The following EBF2 variants were observed in gnomAD, a reference collection of about 807,000 sequenced individuals.
EBF2 encodes EBF transcription factor 2.
EBF2 carries 21 observed loss-of-function variants against 72.8 expected under a neutral mutation model. The observed-to-expected ratio is 0.29, with a 90% CI of 0.20 to 0.42. The LOEUF (loss-of-function observed/expected upper bound fraction) is 0.42, where lower values mean the gene tolerates loss of function less well. Ranked by LOEUF, EBF2 falls within the 10% of genes least tolerant of loss-of-function variation. The probability of loss-of-function intolerance (pLI) is 1.00; values close to 1 mark genes in which losing one functional copy is unlikely to be tolerated. For synonymous variants in EBF2, 299 were observed against 274.2 expected (o/e 1.09, Z -0.89); for missense variants, 637 against 731.2 (o/e 0.87, Z 1.49).
chr8:26,018,312 A>G (rs1156616791), intron 6 of EBF2, among the ~76,000 whole-genome samples: 1 of 151,350 alleles, frequency 6.6e-6, no homozygotes, highest in Non-Finnish European at 1.5e-5. Context: ...GGAAAGGAAG[A>G]AGAGAAAAGG....
intron 10 of EBF2, 74 bp from the exon 11 acceptor site, chr8:25,862,871 G>T (rs933542571): frequency 1.7e-6 from 2 of 1,150,066 alleles, no homozygotes; most frequent in East Asian, 2.6e-5. Flanking sequence ...TTCTTCCACA[G>T]GTAATAAGAA....
intron 6 of EBF2, among the ~76,000 whole-genome samples, chr8:25,934,235 A>G (rs1329909636): frequency 8.5e-4 from 90 of 106,218 alleles, no homozygotes; most frequent in African/African-American, 3.6e-3. Flanking sequence ...ACACACACAC[A>G]CACACACACA....
intron 6 of EBF2, among the ~76,000 whole-genome samples, chr8:25,943,592 C>T (rs1472659663): frequency 6.6e-6 from 1 of 152,090 alleles, no homozygotes; most frequent in Non-Finnish European, 1.5e-5. Flanking sequence ...CTATACCACC[C>T]TGCTAGCACA....
In EBF2 at chr8:25,993,052, T is replaced by A. The variant is rs1285459538; in HGVS notation, c.551+40033A>T. On this transcript the variant is annotated intron_variant, in intron 6 of 15. Transcript: ENST00000520164. ...CCCACCTCCTTCAGTGACATAATAA[T>A]TCCAAAGTCCCTACGGACACCAAAG... 2.6e-5 allele frequency among the ~76,000 whole-genome samples: 4 copies of A among 152,082 alleles called. No homozygotes were observed. In the East Asian group the frequency reaches 7.7e-4, roughly 29 times the overall value.
intron 6 of EBF2, among the ~76,000 whole-genome samples, chr8:26,009,935 C>T (rs1191405422): frequency 1.3e-5 from 2 of 152,166 alleles, no homozygotes; most frequent in African/African-American, 2.4e-5. Flanking sequence ...TCACTGGACG[C>T]CCTCCACTTC....
At chr8:25,929,558 T>C (rs1369924510) in intron 6 of EBF2, among the ~76,000 whole-genome samples, 1 of 152,192 alleles carries the variant, frequency 6.6e-6, no homozygotes, top group African/African-American at 2.4e-5. Flanking sequence ...CGGGTACTTT[T>C]TTTTTCCACT....
At chr8:25,867,467 C>A (rs34545411) in intron 10 of EBF2, among the ~76,000 whole-genome samples, 3 of 152,022 alleles carry the variant, frequency 2.0e-5, no homozygotes, top group Admixed American at 6.5e-5. Context: ...CCCTCCCACC[C>A]ACTGGCTTCC....
chr8:25,971,270 C>T (rs2117188847), intron 6 of EBF2, among the ~76,000 whole-genome samples: 1 of 152,258 alleles, frequency 6.6e-6, no homozygotes, highest in East Asian at 1.9e-4. Context: ...GGCAGCGTGT[C>T]CAGAAAGAGT....
At chr8:26,040,733 C>A (rs1715405177) in intron 3 of EBF2, 62 bp from the exon 4 acceptor site, 4 of 1,538,494 alleles carry the variant, frequency 2.6e-6, no homozygotes, top group African/African-American at 1.4e-5. Flanking sequence ...ACCCCAAACC[C>A]TTCTCTGCCA....
intron 6 of EBF2, among the ~76,000 whole-genome samples, chr8:26,005,109 T>C (rs1269295333): frequency 6.9e-6 from 1 of 145,982 alleles, no homozygotes; most frequent in Non-Finnish European, 1.5e-5. Flanking sequence ...AAGTGCAGAA[T>C]TTTCTCTTGT....
At chr8:25,943,663 C>A (rs940971706) in intron 6 of EBF2, among the ~76,000 whole-genome samples, 2 of 152,150 alleles carry the variant, frequency 1.3e-5, no homozygotes, top group African/African-American at 2.4e-5. Context: ...CAGGGACCTT[C>A]CCCATGGGTT....
intron 6 of EBF2, among the ~76,000 whole-genome samples, chr8:26,009,107 GAAAAAAA>G (rs66503039): frequency 2.4e-5 from 2 of 85,028 alleles, no homozygotes; most frequent in Non-Finnish European, 4.3e-5. Context: ...GAGTAAAAGC[GAAAAAAA>G]AAAAAAAAAA....
chr8:26,026,910 G>A (rs1805309934), intron 6 of EBF2, among the ~76,000 whole-genome samples: 1 of 152,158 alleles, frequency 6.6e-6, no homozygotes, highest in African/African-American at 2.4e-5. Flanking sequence ...CAACCATTGA[G>A]AATTAAGATG....
intron 7 of EBF2, among the ~76,000 whole-genome samples, chr8:25,902,303 T>C (rs1267605944): frequency 1.3e-5 from 2 of 152,092 alleles, no homozygotes; most frequent in Non-Finnish European, 1.5e-5. Flanking sequence ...CAGCTTAAAC[T>C]AGACATACAT....
At chr8:25,988,949 C>T (rs1321273321) in intron 6 of EBF2, among the ~76,000 whole-genome samples, 3 of 152,202 alleles carry the variant, frequency 2.0e-5, no homozygotes, top group Non-Finnish European at 4.4e-5. Context: ...ACTAAACTAG[C>T]AACATTGTAT....
At position 25,850,879 on chromosome 8, in the gene EBF2, T is replaced by TA. The variant is rs1801953793; in HGVS notation, c.1529-119_1529-118insT. 89 of 1,205,922 alleles carry TA rather than the reference T, an allele frequency of 7.4e-5. No individual in the cohort carries two copies. The African/African-American group carries it at 9.2e-4, about 13-fold the overall frequency. 74.7% of individuals were successfully genotyped at this position (1,205,922 alleles called of 1,614,324 possible). A position where few individuals can be genotyped will look rare whatever the true frequency, so the allele number is the denominator to read the frequency against. ...CATGCATTGTTCCAGATTGCAGGGA[T>TA]TAAAAAAAAAAAGTTGAATGTGACA... On this transcript the variant is annotated intron_variant, in intron 14 of 15. Coordinates refer to ENST00000520164, the MANE Select transcript of EBF2 (RefSeq NM_022659.4).
intron 7 of EBF2, among the ~76,000 whole-genome samples, chr8:25,893,331 A>AAGTGC (rs1332802953): frequency 8.7e-5 from 12 of 137,984 alleles, no homozygotes; most frequent in African/African-American, 3.4e-4. Flanking sequence ...ACCCAGGCTG[A>AAGTGC]AGTGCAGTGC....
chr8:25,888,739 T>C (rs907617455), intron 8 of EBF2, among the ~76,000 whole-genome samples: 1 of 152,206 alleles, frequency 6.6e-6, no homozygotes, highest in Non-Finnish European at 1.5e-5. Flanking sequence ...GAACCCAATA[T>C]GGTTTTCAGG....
intron 6 of EBF2, among the ~76,000 whole-genome samples, chr8:26,026,994 A>C (rs1805311472): frequency 1.3e-5 from 2 of 152,224 alleles, no homozygotes. Context: ...GATAAATGTT[A>C]TTATTGGTTT....
Sources: allele counts gnomAD v4.1 joint callset (sites outside exome capture counted in the v4.1 genomes callset), GRCh38; gene constraint gnomAD v4.1.1; transcripts MANE v1.5; gene names NCBI Gene and HGNC (gene_info 2026-07-23, HGNC 2026-07-21).